UGT1A7: variants seen among roughly 807,000 people sequenced by gnomAD.
The protein encoded by UGT1A7 is UDP glucuronosyltransferase family 1 member A7.
UGT1A7 carries 33 observed loss-of-function variants against 45.6 expected under a neutral mutation model. That is an observed-to-expected ratio of 0.72 (90% CI 0.55 to 0.97). UGT1A7 has a LOEUF of 0.97. Ranked by LOEUF, UGT1A7 falls within the 50% of genes least tolerant of loss-of-function variation. UGT1A7 has a pLI of 0.00. For missense variants in UGT1A7, 684 were observed against 666.2 expected, an observed-to-expected ratio of 1.03 and a Z score of -0.29; for synonymous variants, 274 against 250.6, an observed-to-expected ratio of 1.09 and a Z score of -0.88.
chr2:233,743,846 C>A (rs779214397), intron 1 of UGT1A7: 9 of 1,367,112 alleles, frequency 6.6e-6, no homozygotes, highest in Non-Finnish European at 8.8e-6. Flanking sequence ...CGCCAGCTTG[C>A]GGTACGCCTT....
chr2:233,732,384 C>T (rs1031988593), intron 1 of UGT1A7, among the ~76,000 whole-genome samples: 4 of 152,258 alleles, frequency 2.6e-5, no homozygotes, highest in Middle Eastern at 3.4e-3. Flanking sequence ...GTCTTCTAGG[C>T]CATGCCTATG....
chr2:233,689,979 C>T (rs1038276271), intron 1 of UGT1A7: 2 of 453,310 alleles, frequency 4.4e-6, no homozygotes, highest in Admixed American at 2.4e-5. Flanking sequence ...CCCACAGGCC[C>T]CTAAAAGGGA....
At chr2:233,767,621 CT>C (rs1156408939) in intron 2 of UGT1A7, among the ~76,000 whole-genome samples, 1 of 152,158 alleles carries the variant, frequency 6.6e-6, no homozygotes, top group Non-Finnish European at 1.5e-5. Context: ...AAGTGCACAG[CT>C]TGATAAATTA....
intron 1 of UGT1A7, among the ~76,000 whole-genome samples, chr2:233,749,604 A>G (rs7556676): frequency 0.45 from 68,782 of 151,558 alleles, 16,251 homozygotes; most frequent in South Asian, 0.58. Flanking sequence ...GTCACACTAG[A>G]TTTATCATGA....
intron 1 of UGT1A7, chr2:233,717,656 G>A: frequency 2.5e-6 from 1 of 406,942 alleles, no homozygotes; most frequent in East Asian, 7.2e-5. Context: ...GGACAAGGAA[G>A]CATCAGCAAT....
intron 1 of UGT1A7, chr2:233,755,173 C>T (rs541147048): frequency 7.2e-6 from 9 of 1,248,952 alleles, no homozygotes; most frequent in Non-Finnish European, 9.8e-6. Flanking sequence ...GGGTTTTTGT[C>T]GGGGTGCCAC....
At chr2:233,758,428 C>T (rs1696877541) in intron 1 of UGT1A7, among the ~76,000 whole-genome samples, 2 of 152,212 alleles carry the variant, frequency 1.3e-5, no homozygotes. Context: ...CAAATGAACT[C>T]ACACAGCATT....
At chr2:233,724,932 T>A (rs1473409991) in intron 1 of UGT1A7, among the ~76,000 whole-genome samples, 3 of 142,946 alleles carry the variant, frequency 2.1e-5, no homozygotes, top group African/African-American at 8.1e-5. Flanking sequence ...TGAACGAGAC[T>A]CCGTCTGCAA....
chr2:233,724,154 G>C (rs1327662182), intron 1 of UGT1A7, among the ~76,000 whole-genome samples: 4 of 77,640 alleles, frequency 5.2e-5, no homozygotes, highest in African/African-American at 1.4e-4. Flanking sequence ...CTGGCCGGGT[G>C]GGGGGGCTGA....
At chr2:233,712,956 G>T (rs1351747451) in intron 1 of UGT1A7, 1 of 1,612,860 alleles carries the variant, frequency 6.2e-7, no homozygotes, top group Non-Finnish European at 8.5e-7. Flanking sequence ...GGCACAACGT[G>T]GGGTGGACAG....
chr2:233,728,626 G>A (rs1336617432), intron 1 of UGT1A7, among the ~76,000 whole-genome samples: 2 of 152,180 alleles, frequency 1.3e-5, no homozygotes, highest in Admixed American at 6.5e-5. Flanking sequence ...GAGAAAGCTG[G>A]CTTAGCAATG....
At chr2:233,727,462 C>G (rs1389495437) in intron 1 of UGT1A7, among the ~76,000 whole-genome samples, 2 of 152,116 alleles carry the variant, frequency 1.3e-5, no homozygotes, top group Non-Finnish European at 2.9e-5. Context: ...ACTTCACTGT[C>G]TAAATAAAAC....
At chr2:233,768,004 T>C in intron 3 of UGT1A7, 68 bp downstream of exon 3, 1 of 1,614,092 alleles carries the variant, frequency 6.2e-7, no homozygotes, top group South Asian at 1.1e-5. Context: ...TAAGCACAGC[T>C]ATTCTAAAGG....
At chr2:233,690,728 C>T in intron 1 of UGT1A7, 1 of 1,211,732 alleles carries the variant, frequency 8.3e-7, no homozygotes, top group East Asian at 5.7e-5. Context: ...ACAGACATGC[C>T]AGATTCCTCT....
intron 1 of UGT1A7, chr2:233,719,135 T>A (rs1671719594): frequency 2.5e-6 from 4 of 1,614,272 alleles, no homozygotes; most frequent in Non-Finnish European, 3.4e-6. Context: ...AAACAGAACA[T>A]CTTCTGAAGA....
At chr2:233,718,298 C>T (rs563376367) in intron 1 of UGT1A7, among the ~76,000 whole-genome samples, 1 of 152,358 alleles carries the variant, frequency 6.6e-6, no homozygotes, top group South Asian at 2.1e-4. Flanking sequence ...CCAGCCTGAA[C>T]ACTCTCTGTT....
At chr2:233,741,525 C>T (rs916484362) in intron 1 of UGT1A7, 1 of 151,902 alleles carries the variant, frequency 6.6e-6, no homozygotes, top group South Asian at 2.1e-4. Context: ...CCTTAACAGT[C>T]TGTCTTATTC....
At chr2:233,757,560 A>ATATATATATATG (rs904896556) in intron 1 of UGT1A7, among the ~76,000 whole-genome samples, 14 of 123,154 alleles carry the variant, frequency 1.1e-4, no homozygotes, top group African/African-American at 4.8e-4. Context: ...ATATATATAT[A>ATATATATATATG]TGTATATATG....
chr2:233,686,170 A>G (rs1372808829), intron 1 of UGT1A7, among the ~76,000 whole-genome samples: 1 of 152,190 alleles, frequency 6.6e-6, no homozygotes, highest in Non-Finnish European at 1.5e-5. Context: ...ACCTAAATAG[A>G]AAATCTAAAA....
Sources: allele counts gnomAD v4.1 joint callset (sites outside exome capture counted in the v4.1 genomes callset), GRCh38; gene constraint gnomAD v4.1.1; transcripts MANE v1.5; gene names NCBI Gene and HGNC (gene_info 2026-07-23, HGNC 2026-07-21).